Variants in SCN11A observed in about 807,000 individuals in gnomAD.
The protein encoded by SCN11A is sodium channel protein type 11 subunit alpha.
In SCN11A, 122 loss-of-function variants were observed where a neutral mutation model predicts 162.2. The ratio of observed to expected loss-of-function variants is 0.75; its 90% CI spans 0.65 to 0.87. The LOEUF (loss-of-function observed/expected upper bound fraction) is 0.87. Among genes scored for constraint, SCN11A ranks in the 40% least tolerant of loss-of-function variants. The pLI is 0.00. For synonymous variants in SCN11A, 758 were observed against 751.5 expected, an observed-to-expected ratio of 1.01 and a Z score of -0.14; for missense variants, 2,015 against 2,181.6, an observed-to-expected ratio of 0.92 and a Z score of 1.52.
intron 1 of SCN11A, among the ~76,000 whole-genome samples, chr3:39,042,223 T>C (rs1366032092): frequency 6.6e-6 from 1 of 152,104 alleles, no homozygotes; most frequent in Non-Finnish European, 1.5e-5. Flanking sequence ...GAGCCAAGAT[T>C]GTGCCACTGC....
chr3:38,879,364 C>T (rs1429524790), intron 23 of SCN11A, among the ~76,000 whole-genome samples: 3 of 152,172 alleles, frequency 2.0e-5, no homozygotes, highest in South Asian at 2.1e-4. Context: ...CAGCTAGACA[C>T]GTGAATCCCA....
At chr3:38,998,703 T>C (rs1184587257) in intron 2 of SCN11A, among the ~76,000 whole-genome samples, 5 of 150,696 alleles carry the variant, frequency 3.3e-5, no homozygotes, top group African/African-American at 4.9e-5. Context: ...GTGGCACATA[T>C]ACACCATGGA....
At chr3:38,907,808 C>CATGG in intron 14 of SCN11A, 141 bp downstream of exon 14, 1 of 703,190 alleles carries the variant, frequency 1.4e-6, no homozygotes, top group East Asian at 2.6e-5. Context: ...TGAAAAGACA[C>CATGG]ATGGATGCAT....
At position 38,984,515 on chromosome 3, in the gene SCN11A, C is replaced by CTT. The variant is rs11305181; in HGVS notation, c.-279-24094_-279-24093dup. ...CTGAGGAGGTGAAATTTGTGCTGAGCTTTTTTTTTTTTGAGACAAAGCCAC... is the reference window on the plus strand; with the variant it reads ...CTGAGGAGGTGAAATTTGTGCTGAGCTTTTTTTTTTTTTTGAGACAAAGCCAC... On this transcript the variant is annotated intron_variant, in intron 2 of 29. Transcript: ENST00000302328. Among the ~76,000 whole-genome samples, 12 of 144,494 alleles carry CTT rather than the reference C, an allele frequency of 8.3e-5. No individual in the cohort carries two copies. The East Asian group carries it at 1.6e-3, about 19-fold the overall frequency. 94.8% of individuals were successfully genotyped at this position (144,494 alleles called of 152,430 possible).
At chr3:39,030,747 AT>A (rs1356042131) in intron 2 of SCN11A, among the ~76,000 whole-genome samples, 1 of 152,144 alleles carries the variant, frequency 6.6e-6, no homozygotes, top group African/African-American at 2.4e-5. Context: ...CACAAAGCAC[AT>A]TTGTGACATG....
At position 38,907,998 on chromosome 3, in the gene SCN11A, C is replaced by A; in HGVS notation, c.1424G>T (p.Gly475Val). The A allele has an allele frequency of 6.2e-7, 1 of 1,613,012 alleles. No homozygotes were observed. The highest frequency in any genetic ancestry group is 8.5e-7 in the Non-Finnish European group (1 of 1,179,762). Reference protein sequence around the residue: ...KRKSFFLRESGKDQPPGSDSD... With the variant: ...KRKSFFLRESVKDQPPGSDSD... Reference sequence around the variant, plus strand: ...ATCTGACCCAGGAGGCTGGTCTTTCCCAGACTCTCTCAAAAAGAAGGACTT... The same window carrying A: ...ATCTGACCCAGGAGGCTGGTCTTTCACAGACTCTCTCAAAAAGAAGGACTT... The change falls in exon 14 of 30, where the codon GGG (glycine) becomes GTG (valine). Residue 475 changes from glycine to valine, a missense_variant. Gly to Val is a moderately radical substitution (Grantham distance 109). Transcript: ENST00000302328.
In SCN11A at chr3:38,846,628, G is replaced by A. The variant is rs2064667439; in HGVS notation, c.*66C>T. On this transcript the variant is annotated 3_prime_UTR_variant, in exon 30 of 30. Coordinates refer to ENST00000302328, the MANE Select transcript of SCN11A (RefSeq NM_001349253.2). ...CTCCCTGTTGATACACTAAGCTGCT[G>A]ACCCCTGGAGCTCAGAGGCTGAAGG... is the stretch of plus-strand genomic sequence containing the variant. 10 of 1,294,596 alleles carry A rather than the reference G, an allele frequency of 7.7e-6. No homozygotes were observed. In the Admixed American group the frequency reaches 9.4e-5, roughly 12 times the overall value. 80.2% of individuals were successfully genotyped at this position (1,294,596 alleles called of 1,614,324 possible). A position where few individuals can be genotyped will look rare whatever the true frequency, so the allele number is the denominator to read the frequency against.
At chr3:38,900,311 C>T (rs2065678925) in intron 16 of SCN11A, among the ~76,000 whole-genome samples, 4 of 152,156 alleles carry the variant, frequency 2.6e-5, no homozygotes, top group African/African-American at 7.2e-5. Flanking sequence ...AGCTCACAGA[C>T]ACCAGAATGG....
chr3:38,846,804 G>A lies in SCN11A; in HGVS notation c.5266C>T (p.Gln1756Ter). The A allele has an allele frequency of 6.2e-7, 1 of 1,613,924 alleles. No individual in the cohort carries two copies. Among genetic ancestry groups the A allele is most frequent in the African/African-American group, 1.3e-5 (1 of 74,974 alleles). The change falls in exon 30 of 30, where the codon CAA becomes TAA. Residue 1756 changes from glutamine (Q) to a stop codon, truncating the protein, a stop_gained. Coordinates refer to ENST00000302328, the MANE Select transcript of SCN11A (RefSeq NM_001349253.2). LOFTEE classifies it low-confidence loss of function (END_TRUNC). ...TTTTCCAAGTCATTTTGGTCACCTT[G>A]GTCACCCTTGGTCACCTTCATCATG... ...KYMMKVTKGD[Q>*]GDQNDLENGP...
chr3:38,859,237 G>C (rs2064922842), intron 28 of SCN11A, among the ~76,000 whole-genome samples: 1 of 151,900 alleles, frequency 6.6e-6, no homozygotes, highest in Non-Finnish European at 1.5e-5. Flanking sequence ...GAAACAAAAA[G>C]CTGGTTATTT....
intron 2 of SCN11A, among the ~76,000 whole-genome samples, chr3:38,970,619 A>G (rs1428095416): frequency 6.6e-6 from 1 of 152,198 alleles, no homozygotes; most frequent in Non-Finnish European, 1.5e-5. Flanking sequence ...ACAGATGTCT[A>G]GAGAGTCAGA....
chr3:38,865,021 T>A (rs1424096505), intron 27 of SCN11A, among the ~76,000 whole-genome samples: 4 of 152,210 alleles, frequency 2.6e-5, no homozygotes, highest in African/African-American at 9.6e-5. Context: ...ATTGTGGTTA[T>A]GTTTAAAAAG....
At chr3:38,878,771 T>C (rs781107901) in intron 23 of SCN11A, among the ~76,000 whole-genome samples, 2 of 152,150 alleles carry the variant, frequency 1.3e-5, no homozygotes, top group Admixed American at 6.6e-5. Context: ...ACTCAGAATA[T>C]TGATGTCCAT....
At chr3:38,989,297 A>G (rs2030376806) in intron 2 of SCN11A, among the ~76,000 whole-genome samples, 1 of 152,180 alleles carries the variant, frequency 6.6e-6, no homozygotes, top group Non-Finnish European at 1.5e-5. Flanking sequence ...CCCCTGCCTA[A>G]AAGTTTTTTT....
At chr3:38,960,199 A>C (rs1411039154) in intron 3 of SCN11A, among the ~76,000 whole-genome samples, 84 bp downstream of exon 3, 3 of 152,156 alleles carry the variant, frequency 2.0e-5, no homozygotes, top group African/African-American at 7.2e-5. Context: ...CTCTACCCTG[A>C]TGAGAAAAAC....
intron 2 of SCN11A, among the ~76,000 whole-genome samples, chr3:39,031,838 G>A (rs2031768716): frequency 6.6e-6 from 1 of 152,130 alleles, no homozygotes; most frequent in African/African-American, 2.4e-5. Context: ...TGATAGGCTT[G>A]CATTAAAAAG....
intron 5 of SCN11A, among the ~76,000 whole-genome samples, chr3:38,949,389 G>A (rs2066566232): frequency 6.6e-6 from 1 of 152,178 alleles, no homozygotes; most frequent in South Asian, 2.1e-4. Context: ...ACTGCATCCA[G>A]GCAGATAAAA....
At chr3:39,041,040 C>T (rs150650296) in intron 1 of SCN11A, among the ~76,000 whole-genome samples, 1 of 152,252 alleles carries the variant, frequency 6.6e-6, no homozygotes, top group Admixed American at 6.5e-5. Context: ...TGAGATAGCG[C>T]CACTGCACTC....
intron 26 of SCN11A, among the ~76,000 whole-genome samples, chr3:38,868,279 T>G (rs1288944890): frequency 6.6e-6 from 1 of 152,220 alleles, no homozygotes; most frequent in Non-Finnish European, 1.5e-5. Context: ...TGTAGACTAG[T>G]GTAATGAAGG....
Sources: gnomAD v4.1 joint callset for allele counts (sites outside exome capture counted in the v4.1 genomes callset) on GRCh38, gnomAD v4.1.1 for gene constraint, MANE v1.5 for transcripts, NCBI Gene and HGNC (gene_info 2026-07-23, HGNC 2026-07-21) for gene names.